CSMD3: variants seen among roughly 807,000 people sequenced by gnomAD.
CSMD3 encodes CUB and sushi domain-containing protein 3.
A neutral mutation model predicts 435.2 loss-of-function variants in CSMD3; 177 were observed. The ratio of observed to expected loss-of-function variants is 0.41; its 90% CI spans 0.36 to 0.46. The LOEUF is 0.46. CSMD3 is among the 20% of genes least tolerant of loss of function. CSMD3 has a pLI of 0.34. For missense variants in CSMD3, 4,265 were observed against 4,504.6 expected, an observed-to-expected ratio of 0.95 and a Z score of 1.52; for synonymous variants, 1,656 against 1,520.5, an observed-to-expected ratio of 1.09 and a Z score of -2.07.
intron 32 of CSMD3, among the ~76,000 whole-genome samples, chr8:112,431,494 T>C (rs138068753): frequency 9.9e-5 from 15 of 152,098 alleles, no homozygotes; most frequent in Non-Finnish European, 1.5e-4. Flanking sequence ...TTGCTAGTAA[T>C]GACTTAGAGA....
chr8:113,151,745 A>C (rs756664281), intron 4 of CSMD3, among the ~76,000 whole-genome samples: 3 of 152,024 alleles, frequency 2.0e-5, no homozygotes, highest in Non-Finnish European at 4.4e-5. Flanking sequence ...CTACCTACAG[A>C]GTCAAGATTA....
At chr8:113,360,197 C>A (rs2094262826) in intron 1 of CSMD3, among the ~76,000 whole-genome samples, 1 of 152,032 alleles carries the variant, frequency 6.6e-6, no homozygotes, top group African/African-American at 2.4e-5. Flanking sequence ...CAGAGATGGT[C>A]AAAACTCATA....
At chr8:112,248,590 A>T (rs1322964333) in intron 63 of CSMD3, among the ~76,000 whole-genome samples, 1 of 152,062 alleles carries the variant, frequency 6.6e-6, no homozygotes, top group Non-Finnish European at 1.5e-5. Flanking sequence ...CAGTTTTAGG[A>T]CTTATCACTC....
intron 45 of CSMD3, among the ~76,000 whole-genome samples, chr8:112,330,923 C>A (rs1327513363): frequency 4.6e-5 from 7 of 152,000 alleles, no homozygotes; most frequent in Admixed American, 6.6e-5. Flanking sequence ...TCTTTGAAGT[C>A]AGGCAGACCT....
At chr8:112,461,495 A>C (rs186897600) in intron 32 of CSMD3, among the ~76,000 whole-genome samples, 12 of 152,270 alleles carry the variant, frequency 7.9e-5, no homozygotes, top group Admixed American at 7.8e-4. Flanking sequence ...CAACAATTTT[A>C]TAGTGAAACT....
chr8:112,392,864 C>CTTTTTTTTTT lies in CSMD3; in HGVS notation c.5810-2086_5810-2077dup, dbSNP rs56809581. On this transcript the variant is annotated intron_variant, in intron 35 of 70. Coordinates refer to ENST00000297405, the MANE Select transcript of CSMD3 (RefSeq NM_198123.2). Reference sequence around the variant, plus strand: ...AGCTCACAGATAGTTTCTTTTTTTTCTTTTTTTTTTTTTTTTTTTGAAACA... The same window carrying CTTTTTTTTTT: ...AGCTCACAGATAGTTTCTTTTTTTTCTTTTTTTTTTTTTTTTTTTTTTTTTTTTTGAAACA... Among the ~76,000 whole-genome samples the CTTTTTTTTTT allele has an allele frequency of 1.7e-3, 211 of 121,968 alleles. 1 individual carries two copies. Among genetic ancestry groups the CTTTTTTTTTT allele is most frequent in the African/African-American group, 2.6e-3 (85 of 32,292 alleles). The allele number at this position is 121,968 out of a possible 152,430, so 80.0% of individuals were successfully genotyped here.
chr8:112,444,542 C>T (rs1211468586), intron 32 of CSMD3, among the ~76,000 whole-genome samples: 1 of 152,114 alleles, frequency 6.6e-6, no homozygotes, highest in East Asian at 1.9e-4. Flanking sequence ...AGAGCAAACT[C>T]CTGATGCACA....
intron 11 of CSMD3, among the ~76,000 whole-genome samples, chr8:112,853,941 G>A (rs998114400): frequency 3.3e-5 from 5 of 151,924 alleles, no homozygotes; most frequent in Non-Finnish European, 5.9e-5. Flanking sequence ...TTTCCTCAGA[G>A]GTGTGACCAC....
At chr8:112,636,570 A>G (rs1045414063) in intron 22 of CSMD3, among the ~76,000 whole-genome samples, 1 of 84,006 alleles carries the variant, frequency 1.2e-5, no homozygotes, top group Admixed American at 1.2e-4. Context: ...CTATCTATCT[A>G]TCTATCTATC....
At chr8:112,510,948 A>G (rs900212079) in intron 28 of CSMD3, among the ~76,000 whole-genome samples, 1 of 152,210 alleles carries the variant, frequency 6.6e-6, no homozygotes, top group Non-Finnish European at 1.5e-5. Flanking sequence ...ATTTGTAGCT[A>G]TGTGTTTTAA....
chr8:112,441,836 C>T (rs950178162), intron 32 of CSMD3, among the ~76,000 whole-genome samples: 5 of 152,142 alleles, frequency 3.3e-5, no homozygotes. Flanking sequence ...CAATTACTTC[C>T]CATGATGTCC....
chr8:112,822,006 T>C (rs890084958), intron 12 of CSMD3, among the ~76,000 whole-genome samples: 1 of 152,216 alleles, frequency 6.6e-6, no homozygotes, highest in Non-Finnish European at 1.5e-5. Context: ...TCCACTGATC[T>C]ATATGACTGT....
intron 32 of CSMD3, among the ~76,000 whole-genome samples, chr8:112,445,761 C>A (rs915583695): frequency 6.6e-6 from 1 of 152,040 alleles, no homozygotes; most frequent in African/African-American, 2.4e-5. Flanking sequence ...TGTGGTACAG[C>A]CTAAAAGCAA....
chr8:113,171,652 G>A (rs2092269872), intron 4 of CSMD3, among the ~76,000 whole-genome samples: 1 of 151,988 alleles, frequency 6.6e-6, no homozygotes, highest in South Asian at 2.1e-4. Flanking sequence ...AAATTATTTT[G>A]GTGATGTATC....
At chr8:112,319,711 AT>A (rs2130865016) in intron 46 of CSMD3, among the ~76,000 whole-genome samples, 189 bp downstream of exon 46, 1 of 152,242 alleles carries the variant, frequency 6.6e-6, no homozygotes, top group Non-Finnish European at 1.5e-5. Context: ...AACAAAATTA[AT>A]TTTTCTTCTC....
At chr8:113,082,776 T>A (rs1053726617) in intron 5 of CSMD3, among the ~76,000 whole-genome samples, 1 of 152,046 alleles carries the variant, frequency 6.6e-6, no homozygotes, top group Non-Finnish European at 1.5e-5. Flanking sequence ...AAAACAGATA[T>A]CCTATAGTTG....
At chr8:113,100,446 T>C (rs1023361493) in intron 4 of CSMD3, among the ~76,000 whole-genome samples, 11 of 152,108 alleles carry the variant, frequency 7.2e-5, no homozygotes, top group African/African-American at 1.2e-4. Flanking sequence ...AAGACCAACA[T>C]TGAATACTGC....
At chr8:112,635,791 A>C (rs901026549) in intron 22 of CSMD3, among the ~76,000 whole-genome samples, 1 of 152,162 alleles carries the variant, frequency 6.6e-6, no homozygotes. Context: ...ATATTGAATA[A>C]GGCAAAAAGG....
At chr8:113,302,061 C>T (rs1336446353) in intron 2 of CSMD3, among the ~76,000 whole-genome samples, 1 of 151,038 alleles carries the variant, frequency 6.6e-6, no homozygotes, top group Non-Finnish European at 1.5e-5. Flanking sequence ...TCTTCTTATT[C>T]ATCACTCCAA....
Sources: gnomAD v4.1 joint callset for allele counts (sites outside exome capture counted in the v4.1 genomes callset) on GRCh38, gnomAD v4.1.1 for gene constraint, MANE v1.5 for transcripts, NCBI Gene and HGNC (gene_info 2026-07-23, HGNC 2026-07-21) for gene names.